AP3D1: variants seen among roughly 807,000 people sequenced by gnomAD.
The protein encoded by AP3D1 is AP-3 complex subunit delta-1.
In AP3D1, 51 loss-of-function variants were observed where a neutral mutation model predicts 147.6. That is an observed-to-expected ratio of 0.35 (90% CI 0.28 to 0.44). AP3D1 has a LOEUF of 0.44. AP3D1 is among the 20% of genes least tolerant of loss of function. The pLI, the probability that AP3D1 is intolerant of heterozygous loss-of-function variation, is 1.00. For missense variants in AP3D1, 1,421 were observed against 1,624.2 expected, an observed-to-expected ratio of 0.87 and a Z score of 2.15; for synonymous variants, 760 against 663.0, an observed-to-expected ratio of 1.15 and a Z score of -2.25.
intron 1 of AP3D1, among the ~76,000 whole-genome samples, chr19:2,149,626 C>T (rs1054000007): frequency 6.6e-6 from 1 of 151,994 alleles, no homozygotes; most frequent in African/African-American, 2.4e-5. Flanking sequence ...CAACTCACAC[C>T]AATTCCAAAG....
At chr19:2,113,746 A>C (rs1399284587) in intron 22 of AP3D1, among the ~76,000 whole-genome samples, 1 of 152,218 alleles carries the variant, frequency 6.6e-6, no homozygotes, top group Non-Finnish European at 1.5e-5. Context: ...GGCCCTGCAA[A>C]CACATGCTCC....
intron 20 of AP3D1, 61 bp from the exon 21 acceptor site, chr19:2,114,882 T>C: frequency 1.9e-6 from 3 of 1,575,928 alleles, no homozygotes; most frequent in South Asian, 1.1e-5. Flanking sequence ...TGGAACGCCA[T>C]CTATCTGGGA....
intron 1 of AP3D1, among the ~76,000 whole-genome samples, chr19:2,148,568 G>C (rs1003902800): frequency 6.6e-6 from 1 of 152,178 alleles, no homozygotes; most frequent in Non-Finnish European, 1.5e-5. Context: ...CAACCTCAGC[G>C]CTCTGGCGCT....
chr19:2,127,682 G>A (rs1034359496), intron 8 of AP3D1, among the ~76,000 whole-genome samples: 4 of 152,120 alleles, frequency 2.6e-5, no homozygotes, highest in African/African-American at 4.8e-5. Context: ...GCACCACCAC[G>A]CCCGGCTAAT....
rs1568311910 is a variant in AP3D1 at position 2,151,504 on chromosome 19, C to G, written c.-170G>C. On this transcript the variant is annotated 5_prime_UTR_variant, in exon 1 of 32. Transcript: ENST00000643116. The stretch of plus-strand genomic sequence containing the variant: ...CCAAGGACCGCGGCAGAGGCGGCGA[C>G]CCGCTCGGCAGGTGCCGCGATCCCG... The G allele has an allele frequency of 5.1e-6, 1 of 196,900 alleles. No individual in the cohort carries two copies. The highest frequency in any genetic ancestry group is 6.4e-5 in the Admixed American group (1 of 15,624). The allele number at this position is 196,900 out of a possible 1,614,324, so 12.2% of individuals were successfully genotyped here.
rs1382028675 is a variant in AP3D1, at chr19:2,102,076, G to C, written c.*97C>G. 6 of 894,714 alleles carry C rather than the reference G, an allele frequency of 6.7e-6. No homozygotes were observed. The East Asian group carries it at 1.0e-4, about 15-fold the overall frequency. 55.4% of individuals were successfully genotyped at this position (894,714 alleles called of 1,614,324 possible). A position where few individuals can be genotyped will look rare whatever the true frequency, so the allele number is the denominator to read the frequency against. ...TAGAGTTAAATTAACACTCAGGCTT[G>C]GGTACAGTACACACGACTGAGGAGA... On this transcript the variant is annotated 3_prime_UTR_variant, in exon 32 of 32. Transcript: ENST00000643116.
At chr19:2,145,272 G>A (rs1316458896) in intron 1 of AP3D1, among the ~76,000 whole-genome samples, 1 of 152,200 alleles carries the variant, frequency 6.6e-6, no homozygotes, top group East Asian at 1.9e-4. Context: ...GAGCATTAGG[G>A]ACCACTCAGC....
chr19:2,145,225 AGAG>A (rs2019325630), intron 1 of AP3D1, among the ~76,000 whole-genome samples: 1 of 152,228 alleles, frequency 6.6e-6, no homozygotes, highest in Admixed American at 6.5e-5. Context: ...TGGGCAGAGC[AGAG>A]GAGGGTCCTC....
rs550208990 is a variant in AP3D1, at chr19:2,149,357, C to T, written c.96+1882G>A. Among the ~76,000 whole-genome samples the T allele has an allele frequency of 3.3e-4, 50 of 152,142 alleles. 1 individual carries two copies. The South Asian group carries it at 1.0e-2, about 30-fold the overall frequency. ...GTCAGGAGTTTGAGACCAGCCCGAC[C>T]AACATGGTGAAACCCTGTCTCTACT... On this transcript the variant is annotated intron_variant, in intron 1 of 31. Coordinates refer to ENST00000643116, the MANE Select transcript of AP3D1 (RefSeq NM_001261826.3).
chr19:2,107,404 C>T (rs1372788715), intron 31 of AP3D1, among the ~76,000 whole-genome samples: 1 of 152,026 alleles, frequency 6.6e-6, no homozygotes, highest in African/African-American at 2.4e-5. Flanking sequence ...TCCCAGAGGG[C>T]ACTGGAACCA....
Position 2,118,702 on chromosome 19 carries a change from C to G in AP3D1, c.1612G>C (p.Glu538Gln). Residue 538 changes from glutamate to glutamine, a missense_variant, in exon 15 of 32, where the codon GAG becomes CAG. By Grantham distance (29) the Glu-to-Gln change is conservative. Transcript: ENST00000643116. ...KLYASILQQK[E>Q]QAGEAEGAQA... The stretch of plus-strand genomic sequence containing the variant: ...GCGCCCTCTGCCTCCCCGGCCTGCT[C>G]CTTCTGCTGCAGGATGGAGGCGTAG... 2 of 1,613,570 alleles carry G rather than the reference C, an allele frequency of 1.2e-6. No homozygotes were observed. The highest frequency in any genetic ancestry group is 1.7e-6 in the Non-Finnish European group (2 of 1,180,008).
At chr19:2,137,314 G>GC (rs879898609) in intron 3 of AP3D1, among the ~76,000 whole-genome samples, 1 of 146,366 alleles carries the variant, frequency 6.8e-6, no homozygotes, top group East Asian at 2.0e-4. Flanking sequence ...ATATGTATGT[G>GC]TTTTTTTTTT....
chr19:2,116,839 A>G (rs1344531477), intron 16 of AP3D1, 93 bp from the exon 17 acceptor site: 3 of 1,441,468 alleles, frequency 2.1e-6, no homozygotes, highest in African/African-American at 1.4e-5. Flanking sequence ...GTGCCTGGCC[A>G]TGTGATATCC....
At chr19:2,144,143 G>A (rs958234819) in intron 1 of AP3D1, among the ~76,000 whole-genome samples, 1 of 151,386 alleles carries the variant, frequency 6.6e-6, no homozygotes, top group East Asian at 1.9e-4. Context: ...GAAAGGGGAC[G>A]CGCCGGCGAA....
chr19:2,132,638 G>A (rs747077734), intron 4 of AP3D1, 60 bp from the exon 5 acceptor site: 3 of 1,468,494 alleles, frequency 2.0e-6, no homozygotes, highest in South Asian at 1.1e-5. Context: ...TCCGACGCCT[G>A]GGTCACCAGG....
At position 2,114,730 on chromosome 19, in the gene AP3D1, G is replaced by T; in HGVS notation, c.2423+18C>A. 2 of 1,604,306 alleles carry T rather than the reference G, an allele frequency of 1.2e-6. No individual in the cohort carries two copies. The highest frequency in any genetic ancestry group is 1.1e-5 in the South Asian group (1 of 90,848). ...CACATGTGGCCTCCACCCTCACCCT[G>T]AACCCATATGGACTCACTTATCCAG... On this transcript the variant is annotated intron_variant, in intron 21 of 31. Coordinates refer to ENST00000643116, the MANE Select transcript of AP3D1 (RefSeq NM_001261826.3).
chr19:2,125,061 T>C (rs2018715066), intron 9 of AP3D1, among the ~76,000 whole-genome samples: 4 of 152,232 alleles, frequency 2.6e-5, no homozygotes, highest in South Asian at 4.1e-4. Flanking sequence ...TTGGTGCACA[T>C]AAATCTCAGA....
At position 2,138,661 on chromosome 19, in the gene AP3D1, G is replaced by GTCCTGCTTCAGC. The variant is rs756717383; in HGVS notation, c.138_149dup (p.Glu46_Gln49dup). On this transcript the variant is annotated inframe_insertion, in exon 2 of 32. Transcript: ENST00000643116. ...CCGCGTTCGCCTTCACCGCTATGTT[G>GTCCTGCTTCAGC]TCCTGCTTCAGCTCCTGCTTGATCT... is the stretch of plus-strand genomic sequence containing the variant. 6.2e-7 allele frequency: 1 copy of GTCCTGCTTCAGC among 1,613,936 alleles called. No homozygotes were observed. Among genetic ancestry groups the GTCCTGCTTCAGC allele is most frequent in the Non-Finnish European group, 8.5e-7 (1 of 1,180,006 alleles).
chr19:2,105,396 C>A (rs1023437160), intron 31 of AP3D1, among the ~76,000 whole-genome samples: 3 of 152,230 alleles, frequency 2.0e-5, no homozygotes, highest in African/African-American at 7.2e-5. Flanking sequence ...GGGTGGAAAA[C>A]CACTTAAAGG....
Sources: gnomAD v4.1 joint callset for allele counts (sites outside exome capture counted in the v4.1 genomes callset) on GRCh38, gnomAD v4.1.1 for gene constraint, MANE v1.5 for transcripts, NCBI Gene and HGNC (gene_info 2026-07-23, HGNC 2026-07-21) for gene names.